The following MARVELD3 variants were observed in gnomAD, a reference collection of about 807,000 sequenced individuals.
The protein encoded by MARVELD3 is MARVEL domain-containing protein 3.
MARVELD3 carries 28 observed loss-of-function variants against 33.5 expected under a neutral mutation model. That is an observed-to-expected ratio of 0.84 (90% CI 0.62 to 1.15). The LOEUF is 1.15. Ranked by LOEUF, MARVELD3 falls within the 50% of genes most tolerant of loss-of-function variation. The pLI is 0.00. For missense variants in MARVELD3, 582 were observed against 547.6 expected, an observed-to-expected ratio of 1.06 and a Z score of -0.63; for synonymous variants, 241 against 230.4, an observed-to-expected ratio of 1.05 and a Z score of -0.42.
At chr16:71,627,203 G>A (rs1190694380) in intron 1 of MARVELD3, among the ~76,000 whole-genome samples, 1 of 152,192 alleles carries the variant, frequency 6.6e-6, no homozygotes, top group South Asian at 2.1e-4. Context: ...CCAGGAATAG[G>A]TGCCTTCAGA....
Position 71,626,905 on chromosome 16 carries a change from A to C in MARVELD3, c.467+209A>C. The C allele has an allele frequency of 2.9e-5, 13 of 450,568 alleles. No homozygotes were observed. Among genetic ancestry groups the C allele is most frequent in the East Asian group, 1.2e-4 (3 of 25,528 alleles). 27.9% of individuals were successfully genotyped at this position (450,568 alleles called of 1,614,324 possible). A position where few individuals can be genotyped will look rare whatever the true frequency, so the allele number is the denominator to read the frequency against. On this transcript the variant is annotated intron_variant, in intron 1 of 2. Coordinates refer to ENST00000268485, the MANE Select transcript of MARVELD3 (RefSeq NM_052858.6). The surrounding 1 kb of genome is among the most constrained non-coding windows in gnomAD (Gnocchi z 5.3). Reference sequence around the variant, plus strand: ...TCTCGTGGCCTGAACCCAACTAACAAAGCAAAAACCACCCCTGTGAGCAGT... The same window carrying C: ...TCTCGTGGCCTGAACCCAACTAACACAGCAAAAACCACCCCTGTGAGCAGT...
chr16:71,636,798 C>T (rs1482576320), downstream of MARVELD3, among the ~76,000 whole-genome samples: 1 of 152,092 alleles, frequency 6.6e-6, no homozygotes, highest in Non-Finnish European at 1.5e-5. Context: ...ACCATGTTGC[C>T]CAGGCTCATC....
downstream of MARVELD3, chr16:71,638,390 GA>G (rs1250515093): frequency 6.6e-6 from 1 of 152,520 alleles, no homozygotes; most frequent in East Asian, 1.9e-4. Flanking sequence ...ACATCTGGAA[GA>G]TACAGTAAAT....
At chr16:71,631,001 T>C (rs2044527372) in intron 2 of MARVELD3, among the ~76,000 whole-genome samples, 1 of 152,192 alleles carries the variant, frequency 6.6e-6, no homozygotes, top group Admixed American at 6.5e-5. Flanking sequence ...TCACATGATT[T>C]GGTGAGAAAT....
intron 2 of MARVELD3, among the ~76,000 whole-genome samples, chr16:71,630,493 T>C (rs11075893): frequency 8.6e-5 from 13 of 151,466 alleles, no homozygotes; most frequent in Non-Finnish European, 1.8e-4. Context: ...GGGTGGTGGC[T>C]CATGCCTGTA....
At chr16:71,638,151 C>A (rs1567606720), downstream of MARVELD3, 1 of 152,190 alleles carries the variant, frequency 6.6e-6, no homozygotes. Flanking sequence ...CAGAAGGACA[C>A]CTAAGAAGGA....
chr16:71,626,483 C>T lies in MARVELD3; in HGVS notation c.254C>T (p.Pro85Leu). Residue 85 changes from proline (P) to leucine (L), a missense_variant, in exon 1 of 3, where the codon CCG becomes CTG. Transcript: ENST00000268485. This position sits in a 1 kb window ranked among gnomAD's most constrained non-coding sequence, Gnocchi z 5.3. ...AGGGAGAGAGAGAGGGAAAGAGACC[C>T]GGACCGAGGCCCCCGCCGGGACACA... ...RERERERERDPDRGPRRDTHR... is the reference protein window; with the variant it reads ...RERERERERDLDRGPRRDTHR... 6.5e-7 allele frequency: 1 copy of T among 1,549,546 alleles called. No homozygotes were observed. The highest frequency in any genetic ancestry group is 8.7e-7 in the Non-Finnish European group (1 of 1,146,770).
chr16:71,640,264 CAA>C (rs370433791), downstream of MARVELD3: 9,339 of 857,426 alleles, frequency 0.011, no homozygotes, highest in Non-Finnish European at 0.012. Context: ...GACACCGTCT[CAA>C]AAAAAAAAAA....
chr16:71,641,085 T>C (rs1395285223), downstream of MARVELD3: 6 of 1,541,358 alleles, frequency 3.9e-6, no homozygotes, highest in African/African-American at 6.9e-5. Flanking sequence ...ACAGGTCTTT[T>C]AAAACTCCGC....
intron 2 of MARVELD3, among the ~76,000 whole-genome samples, chr16:71,630,097 A>G (rs72799841): frequency 0.19 from 28,272 of 148,084 alleles, 3,024 homozygotes; most frequent in South Asian, 0.46. Context: ...AAAAAAAAAA[A>G]GGGAAAAAGG....
At chr16:71,627,575 C>A (rs1461587958) in intron 1 of MARVELD3, among the ~76,000 whole-genome samples, 1 of 152,018 alleles carries the variant, frequency 6.6e-6, no homozygotes, top group Non-Finnish European at 1.5e-5. Flanking sequence ...GTAAAATTCT[C>A]CCACTGAAGG....
At position 71,635,544 on chromosome 16, in the gene MARVELD3, TTGCAGTGCGCTA is replaced by T. The variant is rs2044575409; in HGVS notation, c.*744_*755del. On this transcript the variant is annotated 3_prime_UTR_variant, in exon 3 of 3. Coordinates refer to ENST00000268485, the MANE Select transcript of MARVELD3 (RefSeq NM_052858.6). ...ATTGCTTGAACCCAGGAGTTCAAGT[TTGCAGTGCGCTA>T]TGATTGTCCCACTACACTCTAGCCT... 6 of 982,286 alleles carry T rather than the reference TTGCAGTGCGCTA, an allele frequency of 6.1e-6. No individual in the cohort carries two copies. Among genetic ancestry groups the T allele is most frequent in the Middle Eastern group, 5.2e-4 (1 of 1,910 alleles). The allele number at this position is 982,286 out of a possible 1,614,324, so 60.8% of individuals were successfully genotyped here. A position where few individuals can be genotyped will look rare whatever the true frequency, so the allele number is the denominator to read the frequency against.
In MARVELD3 at chr16:71,636,268, C is replaced by A; in HGVS notation, c.*1465C>A. The stretch of plus-strand genomic sequence containing the variant: ...ATTCTCTTAAATACAGACAATTTTT[C>A]ACATTTAAAAGGTGAGTTCCATTTG... On this transcript the variant is annotated 3_prime_UTR_variant, in exon 3 of 3. Transcript: ENST00000268485. 1 of 610,532 alleles carries A rather than the reference C, an allele frequency of 1.6e-6. No individual in the cohort carries two copies. Among genetic ancestry groups the A allele is most frequent in the Non-Finnish European group, 2.1e-6 (1 of 486,954 alleles). 37.8% of individuals were successfully genotyped at this position (610,532 alleles called of 1,614,324 possible). A position where few individuals can be genotyped will look rare whatever the true frequency, so the allele number is the denominator to read the frequency against.
At chr16:71,641,096 A>G (rs1299639304), downstream of MARVELD3, 3 of 1,514,726 alleles carry the variant, frequency 2.0e-6, no homozygotes, top group East Asian at 4.6e-5. Context: ...AAAACTCCGC[A>G]TTAGACAACT....
At position 71,635,186 on chromosome 16, in the gene MARVELD3, A is replaced by C. The variant is rs569431901; in HGVS notation, c.*383A>C. The C allele has an allele frequency of 1.3e-6, 1 of 750,938 alleles. No homozygotes were observed. The highest frequency in any genetic ancestry group is 1.9e-5 in the African/African-American group (1 of 52,452). 46.5% of individuals were successfully genotyped at this position (750,938 alleles called of 1,614,324 possible). On this transcript the variant is annotated 3_prime_UTR_variant, in exon 3 of 3. Transcript: ENST00000268485. ...CTACTAAAATACAAAAAAATTAGCC[A>C]GGCGTGGTGGCGGGCGCCTGTAATC...
chr16:71,634,731 T>C lies in MARVELD3; in HGVS notation c.1134T>C (p.Ala378=). Residue 378 remains alanine, a synonymous_variant, in exon 3 of 3, where the codon GCT becomes GCC. Transcript: ENST00000268485. ...GCATTGTGGTCTTTGCCCTGGGGGC[T>C]GTCCTGGCCATAAAGGGCTACCGAA... ...ALGIVVFALG[A]VLAIKGYRKV... 1 of 1,613,858 alleles carries C rather than the reference T, an allele frequency of 6.2e-7. No individual in the cohort carries two copies. The highest frequency in any genetic ancestry group is 1.1e-5 in the South Asian group (1 of 91,074).
chr16:71,628,039 T>C (rs2044491696), intron 1 of MARVELD3, among the ~76,000 whole-genome samples: 1 of 152,174 alleles, frequency 6.6e-6, no homozygotes. Context: ...TCTGTCTCCC[T>C]GCTATGTCCA....
At position 71,635,481 on chromosome 16, in the gene MARVELD3, C is replaced by T. The variant is rs1452049666; in HGVS notation, c.*678C>T. 1 of 985,200 alleles carries T rather than the reference C, an allele frequency of 1.0e-6. No individual in the cohort carries two copies. Among genetic ancestry groups the T allele is most frequent in the African/African-American group, 1.7e-5 (1 of 57,146 alleles). The allele number at this position is 985,200 out of a possible 1,614,324, so 61.0% of individuals were successfully genotyped here. A position where few individuals can be genotyped will look rare whatever the true frequency, so the allele number is the denominator to read the frequency against. ...AAGTTCCTGGGCACAGTGGCTCACA[C>T]CTGTAATCCCAGAGCTTTGGGAGGC... On this transcript the variant is annotated 3_prime_UTR_variant, in exon 3 of 3. Coordinates refer to ENST00000268485, the MANE Select transcript of MARVELD3 (RefSeq NM_052858.6).
chr16:71,633,387 T>G (rs541408878), intron 2 of MARVELD3, among the ~76,000 whole-genome samples: 2 of 152,102 alleles, frequency 1.3e-5, no homozygotes, highest in Admixed American at 6.6e-5. Flanking sequence ...GTTTAGTTTT[T>G]TGTGTTGTTG....
Sources: allele counts gnomAD v4.1 joint callset (sites outside exome capture counted in the v4.1 genomes callset), GRCh38; gene constraint gnomAD v4.1.1; non-coding constraint Gnocchi (gnomAD v3.1); transcripts MANE v1.5; gene names NCBI Gene and HGNC (gene_info 2026-07-23, HGNC 2026-07-21).